Variants in MACROD2 observed in about 807,000 individuals in gnomAD.
MACROD2 encodes the protein mono-ADP ribosylhydrolase 2.
A neutral mutation model predicts 70.4 loss-of-function variants in MACROD2; 36 were observed. The observed-to-expected ratio is 0.51, with a 90% CI of 0.39 to 0.68. The LOEUF (loss-of-function observed/expected upper bound fraction) is 0.68, where lower values mean the gene tolerates loss of function less well. Ranked by LOEUF, MACROD2 falls within the 30% of genes least tolerant of loss-of-function variation. MACROD2 has a pLI of 0.00. For synonymous variants in MACROD2, 172 were observed against 178.8 expected (o/e 0.96, Z 0.30); for missense variants, 496 against 538.4 (o/e 0.92, Z 0.78).
At chr20:14,406,798 T>C (rs1409318323) in intron 3 of MACROD2, among the ~76,000 whole-genome samples, 3 of 152,172 alleles carry the variant, frequency 2.0e-5, no homozygotes, top group African/African-American at 7.2e-5. Flanking sequence ...CTGTAAATAC[T>C]TCAGCATATC....
At chr20:15,165,422 C>T (rs1413931925) in intron 5 of MACROD2, among the ~76,000 whole-genome samples, 1 of 152,224 alleles carries the variant, frequency 6.6e-6, no homozygotes, top group African/African-American at 2.4e-5. Flanking sequence ...TGCCACTGCA[C>T]TCTAGCTTGG....
intron 15 of MACROD2, among the ~76,000 whole-genome samples, chr20:16,017,782 A>G (rs927321302): frequency 1.3e-5 from 2 of 152,334 alleles, no homozygotes; most frequent in East Asian, 1.9e-4. Flanking sequence ...CTCACATTTC[A>G]TGACACATAG....
At chr20:15,753,962 C>T (rs1026681519) in intron 8 of MACROD2, among the ~76,000 whole-genome samples, 3 of 152,042 alleles carry the variant, frequency 2.0e-5, no homozygotes, top group Non-Finnish European at 2.9e-5. Context: ...GAAAAGTTGA[C>T]AAATCTATAA....
At chr20:15,534,274 C>G (rs535374234) in intron 8 of MACROD2, among the ~76,000 whole-genome samples, 4 of 152,096 alleles carry the variant, frequency 2.6e-5, no homozygotes, top group Non-Finnish European at 5.9e-5. Flanking sequence ...AATTAAATTT[C>G]TTAAAAGTCA....
intron 5 of MACROD2, among the ~76,000 whole-genome samples, chr20:14,712,024 A>G (rs2123664407): frequency 6.6e-6 from 1 of 152,264 alleles, no homozygotes; most frequent in South Asian, 2.1e-4. Flanking sequence ...AACTCTTTAA[A>G]ATAACAATAA....
At chr20:14,265,271 G>A (rs964221019) in intron 3 of MACROD2, among the ~76,000 whole-genome samples, 5 of 152,128 alleles carry the variant, frequency 3.3e-5, no homozygotes, top group African/African-American at 1.2e-4. Context: ...AGAGTCCCCA[G>A]GTGTGAGAAT....
At chr20:14,801,864 G>A (rs539707631) in intron 5 of MACROD2, among the ~76,000 whole-genome samples, 4 of 152,038 alleles carry the variant, frequency 2.6e-5, no homozygotes, top group South Asian at 2.1e-4. Context: ...TTCCTTTCAC[G>A]GCTTCCAGTC....
At chr20:15,630,515 A>T (rs1000365064) in intron 8 of MACROD2, among the ~76,000 whole-genome samples, 1 of 152,218 alleles carries the variant, frequency 6.6e-6, no homozygotes, top group African/African-American at 2.4e-5. Context: ...AAGGGCAGAG[A>T]TGTCTCTAAT....
At chr20:14,674,865 T>A (rs2070840564) in intron 4 of MACROD2, among the ~76,000 whole-genome samples, 1 of 152,238 alleles carries the variant, frequency 6.6e-6, no homozygotes, top group African/African-American at 2.4e-5. Flanking sequence ...GCGAAGCCTC[T>A]TACTTTTTAG....
intron 2 of MACROD2, among the ~76,000 whole-genome samples, chr20:14,047,311 C>T (rs906197056): frequency 2.6e-5 from 4 of 151,890 alleles, no homozygotes; most frequent in South Asian, 4.2e-4. Context: ...AAAAATTAGC[C>T]GGGCATGGTG....
At chr20:15,570,793 G>T (rs928572767) in intron 8 of MACROD2, among the ~76,000 whole-genome samples, 5 of 152,030 alleles carry the variant, frequency 3.3e-5, no homozygotes, top group African/African-American at 1.2e-4. Flanking sequence ...TCACATGCCC[G>T]GCCCTGAAGC....
chr20:15,952,011 G>T (rs1365651087), intron 12 of MACROD2, among the ~76,000 whole-genome samples: 1 of 152,102 alleles, frequency 6.6e-6, no homozygotes, highest in East Asian at 1.9e-4. Context: ...AATCATGGGG[G>T]CAGGTGTTTC....
chr20:15,771,592 C>G (rs1379752645), intron 8 of MACROD2, among the ~76,000 whole-genome samples: 1 of 151,260 alleles, frequency 6.6e-6, no homozygotes, highest in East Asian at 1.9e-4. Context: ...TGTCTGTATA[C>G]ATATGGAAAA....
At chr20:14,728,058 G>A (rs912121924) in intron 5 of MACROD2, among the ~76,000 whole-genome samples, 4 of 152,004 alleles carry the variant, frequency 2.6e-5, no homozygotes, top group Middle Eastern at 3.2e-3. Context: ...TTATGACCCA[G>A]TAATTTCTTC....
intron 3 of MACROD2, among the ~76,000 whole-genome samples, chr20:14,429,779 A>G (rs2083975314): frequency 6.6e-6 from 1 of 152,140 alleles, no homozygotes; most frequent in South Asian, 2.1e-4. Flanking sequence ...CAACCCTCAG[A>G]CAGTGGCTGA....
At chr20:14,778,955 A>G (rs759603787) in intron 5 of MACROD2, among the ~76,000 whole-genome samples, 4 of 152,174 alleles carry the variant, frequency 2.6e-5, no homozygotes, top group Admixed American at 6.5e-5. Flanking sequence ...CTCTCAATGC[A>G]TGGTACAGTC....
chr20:14,093,678 A>C (rs2054183611), intron 3 of MACROD2, among the ~76,000 whole-genome samples: 1 of 151,856 alleles, frequency 6.6e-6, no homozygotes, highest in Admixed American at 6.6e-5. Flanking sequence ...CAAAAAAAAA[A>C]AACCCCAAAA....
chr20:14,647,198 C>T (rs184183720), intron 4 of MACROD2, among the ~76,000 whole-genome samples: 279 of 152,206 alleles, frequency 1.8e-3, no homozygotes, highest in African/African-American at 6.4e-3. Flanking sequence ...TTCCTGAGTT[C>T]TCTGAAAAAT....
intron 3 of MACROD2, among the ~76,000 whole-genome samples, chr20:14,120,316 A>T (rs1022066844): frequency 8.6e-5 from 13 of 151,988 alleles, no homozygotes; most frequent in African/African-American, 2.9e-4. Context: ...ACAAAACCAC[A>T]CTGGGAGACC....
Sources: gnomAD v4.1 joint callset for allele counts (sites outside exome capture counted in the v4.1 genomes callset) on GRCh38, gnomAD v4.1.1 for gene constraint, MANE v1.5 for transcripts, NCBI Gene and HGNC (gene_info 2026-07-23, HGNC 2026-07-21) for gene names.